The following TGFB2 variants were observed in gnomAD, a reference collection of about 807,000 sequenced individuals.
The protein encoded by TGFB2 is transforming growth factor beta-2 proprotein.
In TGFB2, 13 loss-of-function variants were observed where a neutral mutation model predicts 42.7. The ratio of observed to expected loss-of-function variants is 0.30; its 90% confidence interval spans 0.20 to 0.48. The LOEUF (loss-of-function observed/expected upper bound fraction) is 0.48. TGFB2 is among the 20% of genes least tolerant of loss of function. The probability of loss-of-function intolerance (pLI) is 0.99; values close to 1 mark genes in which losing one functional copy is unlikely to be tolerated. For missense variants in TGFB2, 390 were observed against 517.5 expected, an observed-to-expected ratio of 0.75 and a Z score of 2.39; for synonymous variants, 193 against 193.6, an observed-to-expected ratio of 1.00 and a Z score of 0.03.
intron 1 of TGFB2, among the ~76,000 whole-genome samples, chr1:218,358,411 C>T (rs1367369152): frequency 1.3e-5 from 2 of 152,102 alleles, no homozygotes; most frequent in Admixed American, 1.3e-4. Context: ...GTCATTTCTT[C>T]TATTTTGATT....
intron 6 of TGFB2, among the ~76,000 whole-genome samples, chr1:218,438,155 C>T (rs1424667248): frequency 6.6e-6 from 1 of 152,164 alleles, no homozygotes; most frequent in African/African-American, 2.4e-5. Flanking sequence ...CCTCTGGTAA[C>T]CATCATTCTA....
At chr1:218,359,845 A>T (rs1336315057) in intron 1 of TGFB2, among the ~76,000 whole-genome samples, 5 of 152,182 alleles carry the variant, frequency 3.3e-5, no homozygotes. Context: ...TAAGACATCT[A>T]ATTTTACTTA....
Position 218,366,054 on chromosome 1 carries a change from A to G in TGFB2, c.346+19007A>G, listed in dbSNP as rs149723578. Among the ~76,000 whole-genome samples, 641 of 152,330 alleles carry G rather than the reference A, an allele frequency of 4.2e-3. 3 individuals carry two copies. The highest frequency in any genetic ancestry group is 0.014 in the African/African-American group (592 of 41,574). On this transcript the variant is annotated intron_variant, in intron 1 of 6. Coordinates refer to ENST00000366930, the MANE Select transcript of TGFB2 (RefSeq NM_003238.6). ...AAAATAGTCCATGCTCCTCACAGCC[A>G]TGTGACTGCGAAATCATTTTTCTCT...
chr1:218,361,194 A>G (rs17047729), intron 1 of TGFB2, among the ~76,000 whole-genome samples: 3,352 of 152,272 alleles, frequency 0.022, 112 homozygotes, highest in African/African-American at 0.074. Context: ...CTTTCTGTAG[A>G]CTGAACAATC....
At chr1:218,381,774 C>T (rs975502711) in intron 1 of TGFB2, among the ~76,000 whole-genome samples, 2 of 152,108 alleles carry the variant, frequency 1.3e-5, no homozygotes, top group Admixed American at 6.6e-5. Context: ...GTACTGAATC[C>T]TGTGTGTGAA....
At position 218,378,955 on chromosome 1, in the gene TGFB2, A is replaced by T. The variant is rs1249777581; in HGVS notation, c.347-26214A>T. Among the ~76,000 whole-genome samples the T allele has an allele frequency of 5.9e-5, 9 of 151,952 alleles. No homozygotes were observed. In the South Asian group the frequency reaches 8.3e-4, roughly 14 times the overall value. The stretch of plus-strand genomic sequence containing the variant: ...TGGGTCTGTGGCTATTACCCTCCTG[A>T]GCAGCACCTTCTCAGGCCAGCTCGG... On this transcript the variant is annotated intron_variant, in intron 1 of 6. Coordinates refer to ENST00000366930, the MANE Select transcript of TGFB2 (RefSeq NM_003238.6).
At chr1:218,383,989 G>T (rs1342484965) in intron 1 of TGFB2, among the ~76,000 whole-genome samples, 5 of 152,148 alleles carry the variant, frequency 3.3e-5, no homozygotes, top group Non-Finnish European at 1.5e-5. Flanking sequence ...TGTCATTTAT[G>T]ACGATTTTGT....
chr1:218,435,357 G>T (rs1659937794), intron 4 of TGFB2, among the ~76,000 whole-genome samples: 1 of 152,144 alleles, frequency 6.6e-6, no homozygotes, highest in Non-Finnish European at 1.5e-5. Context: ...AGCATGCTTT[G>T]GGGAGCTCAA....
intron 6 of TGFB2, among the ~76,000 whole-genome samples, chr1:218,440,864 G>A (rs1017319514): frequency 2.0e-5 from 3 of 152,152 alleles, no homozygotes. Context: ...GTTTTGTGGG[G>A]ACCTAGGATG....
intron 2 of TGFB2, among the ~76,000 whole-genome samples, chr1:218,409,217 G>A (rs1659015937): frequency 6.6e-6 from 1 of 152,224 alleles, no homozygotes; most frequent in African/African-American, 2.4e-5. Flanking sequence ...CTCCTGATGG[G>A]CCATGGACCT....
intron 2 of TGFB2, among the ~76,000 whole-genome samples, chr1:218,426,391 A>G (rs1047886260): frequency 1.3e-5 from 2 of 152,090 alleles, no homozygotes; most frequent in Non-Finnish European, 2.9e-5. Context: ...CCCCCCTCAA[A>G]CTATTGGGTA....
At chr1:218,354,204 C>G (rs11466372) in intron 1 of TGFB2, among the ~76,000 whole-genome samples, 7,185 of 152,200 alleles carry the variant, frequency 0.047, 565 homozygotes, top group African/African-American at 0.16. Flanking sequence ...ATTCCCTTTA[C>G]AGAATGAGAT....
At chr1:218,406,042 T>C (rs1658900116) in intron 2 of TGFB2, among the ~76,000 whole-genome samples, 1 of 152,172 alleles carries the variant, frequency 6.6e-6, no homozygotes, top group South Asian at 2.1e-4. Flanking sequence ...CTTTCTCCTT[T>C]TCTATGATTT....
At chr1:218,376,151 T>C (rs1657734354) in intron 1 of TGFB2, among the ~76,000 whole-genome samples, 1 of 152,174 alleles carries the variant, frequency 6.6e-6, no homozygotes, top group South Asian at 2.1e-4. Context: ...ATGTGGTAAG[T>C]GCGTACATCT....
chr1:218,400,911 T>C (rs1266351229), intron 1 of TGFB2, among the ~76,000 whole-genome samples: 1 of 152,088 alleles, frequency 6.6e-6, no homozygotes, highest in East Asian at 1.9e-4. Context: ...CAGAGAGTCC[T>C]GGGCAAGTGG....
At chr1:218,427,682 T>C (rs1659669121) in intron 2 of TGFB2, among the ~76,000 whole-genome samples, 1 of 152,174 alleles carries the variant, frequency 6.6e-6, no homozygotes. Flanking sequence ...TTTTTGACTG[T>C]GTAGTATTCC....
Position 218,415,860 on chromosome 1 carries a change from A to G in TGFB2, c.510+10528A>G, listed in dbSNP as rs10482779. ...ATGAGTTCCTGTGAGGAGAATGCCT[A>G]GGTTAAGTGTCTGGCACACAAGATG... is the stretch of plus-strand genomic sequence containing the variant. On this transcript the variant is annotated intron_variant, in intron 2 of 6. Transcript: ENST00000366930. 2.1e-3 allele frequency among the ~76,000 whole-genome samples: 326 copies of G among 152,106 alleles called. 3 individuals are homozygous for G. The East Asian group carries it at 0.025, about 11-fold the overall frequency.
At chr1:218,405,364 GT>G (rs1658876030) in intron 2 of TGFB2, 32 bp downstream of exon 2, 1 of 1,611,594 alleles carries the variant, frequency 6.2e-7, no homozygotes, top group Non-Finnish European at 8.5e-7. Context: ...TGTTGTTGTT[GT>G]TGTTGTTGTT....
At chr1:218,366,450 G>T (rs748927599) in intron 1 of TGFB2, among the ~76,000 whole-genome samples, 1 of 152,014 alleles carries the variant, frequency 6.6e-6, no homozygotes, top group Non-Finnish European at 1.5e-5. Flanking sequence ...AGGACCACAA[G>T]TGTGCACCAC....
Sources: allele counts gnomAD v4.1 joint callset (sites outside exome capture counted in the v4.1 genomes callset), GRCh38; gene constraint gnomAD v4.1.1; transcripts MANE v1.5; gene names NCBI Gene and HGNC (gene_info 2026-07-23, HGNC 2026-07-21).